Variants in THSD7A observed in about 807,000 individuals in gnomAD.
THSD7A encodes thrombospondin type-1 domain-containing protein 7A.
In THSD7A, 96 loss-of-function variants were observed where a neutral mutation model predicts 231.3. The observed-to-expected ratio is 0.41, with a 90% CI of 0.35 to 0.49. The LOEUF is 0.49. THSD7A is among the 20% of genes least tolerant of loss of function. The probability of loss-of-function intolerance (pLI) is 0.05; values close to 1 mark genes in which losing one functional copy is unlikely to be tolerated. For missense variants in THSD7A, 2,290 were observed against 2,070.2 expected (o/e 1.11, Z -2.06); for synonymous variants, 940 against 743.3 (o/e 1.26, Z -4.30).
At chr7:11,431,055 C>T (rs1179145535) in intron 13 of THSD7A, among the ~76,000 whole-genome samples, 1 of 152,162 alleles carries the variant, frequency 6.6e-6, no homozygotes, top group African/African-American at 2.4e-5. Context: ...TTAGCTTTTT[C>T]AGGAAGTGTC....
In THSD7A at chr7:11,558,453, G is replaced by A. The variant is rs143313734; in HGVS notation, c.1454-15336C>T. On this transcript the variant is annotated intron_variant, in intron 4 of 27. Transcript: ENST00000423059. ...ACTATAGTACCACAGTCCTAAATCT[G>A]GCCTCTCTCCTGGTGAACTACTAAT... Among the ~76,000 whole-genome samples, 671 of 152,096 alleles carry A rather than the reference G, an allele frequency of 4.4e-3. 3 individuals are homozygous for A. The highest frequency in any genetic ancestry group is 0.016 in the African/African-American group (646 of 41,488).
chr7:11,756,403 A>T (rs1782677665), intron 1 of THSD7A, among the ~76,000 whole-genome samples: 2 of 152,048 alleles, frequency 1.3e-5, no homozygotes, highest in Non-Finnish European at 2.9e-5. Flanking sequence ...GGAGAGAAAG[A>T]ATGTGGGAAA....
At chr7:11,405,937 T>C (rs986991088) in intron 22 of THSD7A, among the ~76,000 whole-genome samples, 6 of 152,230 alleles carry the variant, frequency 3.9e-5, no homozygotes, top group African/African-American at 1.2e-4. Flanking sequence ...TATTTAAACA[T>C]TGGCCTCTCT....
Position 11,487,376 on chromosome 7 carries a change from C to T in THSD7A, c.1823-5394G>A, listed in dbSNP as rs536106653. ...TATACTGAAAGTTTATTGCATTTATCGTGTTAGAGCCTAAATAAAACATAA... is the reference window on the plus strand; with the variant it reads ...TATACTGAAAGTTTATTGCATTTATTGTGTTAGAGCCTAAATAAAACATAA... On this transcript the variant is annotated intron_variant, in intron 6 of 27. Coordinates refer to ENST00000423059, the MANE Select transcript of THSD7A (RefSeq NM_015204.3). 3.3e-5 allele frequency among the ~76,000 whole-genome samples: 5 copies of T among 152,154 alleles called. No individual in the cohort carries two copies. The East Asian group carries it at 5.8e-4, about 18-fold the overall frequency.
rs527317052 is a variant in THSD7A at position 11,748,573 on chromosome 7, C to G, written c.190+83184G>C. On this transcript the variant is annotated intron_variant, in intron 1 of 27. Coordinates refer to ENST00000423059, the MANE Select transcript of THSD7A (RefSeq NM_015204.3). Reference sequence around the variant, plus strand: ...ATTCACCCTTCCCCTAAAATACCCTCAGAACAAAGTCAAGAGACATCATGA... The same window carrying G: ...ATTCACCCTTCCCCTAAAATACCCTGAGAACAAAGTCAAGAGACATCATGA... 3.8e-4 allele frequency among the ~76,000 whole-genome samples: 58 copies of G among 151,984 alleles called. 1 individual carries two copies. Among genetic ancestry groups the G allele is most frequent in the Non-Finnish European group, 6.9e-4 (47 of 67,930 alleles).
chr7:11,692,535 A>C (rs907882307), intron 1 of THSD7A, among the ~76,000 whole-genome samples: 4 of 151,608 alleles, frequency 2.6e-5, no homozygotes, highest in Non-Finnish European at 4.4e-5. Context: ...TGTACACAAC[A>C]AATTGTACAC....
chr7:11,547,450 GA>G (rs1483657946), intron 4 of THSD7A, among the ~76,000 whole-genome samples: 2 of 152,136 alleles, frequency 1.3e-5, no homozygotes, highest in Non-Finnish European at 2.9e-5. Flanking sequence ...AAAGGATGGA[GA>G]AAACTAACAG....
At chr7:11,516,268 A>G (rs762124927) in intron 6 of THSD7A, among the ~76,000 whole-genome samples, 1 of 152,212 alleles carries the variant, frequency 6.6e-6, no homozygotes, top group African/African-American at 2.4e-5. Flanking sequence ...TGCACTTACA[A>G]AATCAGAAAT....
chr7:11,546,201 C>CAA (rs1789382787), intron 4 of THSD7A, among the ~76,000 whole-genome samples: 2 of 59,066 alleles, frequency 3.4e-5, no homozygotes, highest in African/African-American at 1.5e-4. Flanking sequence ...TGTGGGCGCG[C>CAA]GCTCACACAC....
Position 11,493,491 on chromosome 7 carries a change from T to C in THSD7A, c.1823-11509A>G, listed in dbSNP as rs770211415. 2.6e-5 allele frequency among the ~76,000 whole-genome samples: 4 copies of C among 152,084 alleles called. 1 individual carries two copies. Among genetic ancestry groups the C allele is most frequent in the Non-Finnish European group, 5.9e-5 (4 of 67,982 alleles). ...CAGGGGAAGATATTAGGGTTATTCATTTTTAAAGGTCCCTAATGCTTCTGA... is the reference window on the plus strand; with the variant it reads ...CAGGGGAAGATATTAGGGTTATTCACTTTTAAAGGTCCCTAATGCTTCTGA... On this transcript the variant is annotated intron_variant, in intron 6 of 27. Coordinates refer to ENST00000423059, the MANE Select transcript of THSD7A (RefSeq NM_015204.3).
At chr7:11,522,242 A>G (rs1788297323) in intron 6 of THSD7A, among the ~76,000 whole-genome samples, 1 of 152,150 alleles carries the variant, frequency 6.6e-6, no homozygotes, top group African/African-American at 2.4e-5. Flanking sequence ...TAGAAGCCTA[A>G]GAGTCAGAGC....
intron 2 of THSD7A, among the ~76,000 whole-genome samples, chr7:11,616,071 A>C (rs1036676657): frequency 1.3e-5 from 2 of 152,060 alleles, no homozygotes; most frequent in African/African-American, 4.8e-5. Context: ...TTATTGAATA[A>C]TTTTTCCTTT....
intron 6 of THSD7A, among the ~76,000 whole-genome samples, chr7:11,526,978 G>C (rs573916862): frequency 6.6e-6 from 1 of 152,138 alleles, no homozygotes; most frequent in African/African-American, 2.4e-5. Context: ...TGAAATGAAA[G>C]AATGAATGAG....
chr7:11,428,896 G>A, intron 14 of THSD7A, 51 bp downstream of exon 14: 1 of 1,537,814 alleles, frequency 6.5e-7, no homozygotes. Context: ...GAAAAAATCA[G>A]ATCATTGTGA....
At chr7:11,487,694 AG>A (rs1222903095) in intron 6 of THSD7A, among the ~76,000 whole-genome samples, 3 of 152,124 alleles carry the variant, frequency 2.0e-5, no homozygotes, top group African/African-American at 7.2e-5. Context: ...ACATGGTGGC[AG>A]GCAAGAGAGC....
rs1790365483 is a variant in THSD7A, at chr7:11,566,969, G to GGTGGGGGGGGGTGC, written c.1453+23490_1453+23491insGCACCCCCCCCCAC. Among the ~76,000 whole-genome samples the GGTGGGGGGGGGTGC allele has an allele frequency of 2.4e-5, 2 of 84,148 alleles. 1 individual carries two copies. Among genetic ancestry groups the GGTGGGGGGGGGTGC allele is most frequent in the African/African-American group, 1.2e-4 (2 of 17,298 alleles). 55.2% of individuals were successfully genotyped at this position (84,148 alleles called of 152,430 possible). A position where few individuals can be genotyped will look rare whatever the true frequency, so the allele number is the denominator to read the frequency against. Reference sequence around the variant, plus strand: ...GTGGATCCAGCTGTGGGAGAGTGGGGGGGGGACTGACCAACAAAGTTTCCT... The same window carrying GGTGGGGGGGGGTGC: ...GTGGATCCAGCTGTGGGAGAGTGGGGGTGGGGGGGGGTGCGGGGGACTGACCAACAAAGTTTCCT... On this transcript the variant is annotated intron_variant, in intron 4 of 27. Coordinates refer to ENST00000423059, the MANE Select transcript of THSD7A (RefSeq NM_015204.3).
At chr7:11,546,835 T>A (rs987207771) in intron 4 of THSD7A, among the ~76,000 whole-genome samples, 2 of 152,060 alleles carry the variant, frequency 1.3e-5, no homozygotes, top group African/African-American at 4.8e-5. Context: ...AGTAAAAAGA[T>A]GAAATAGCTT....
intron 1 of THSD7A, among the ~76,000 whole-genome samples, chr7:11,778,156 CAAAAAA>C (rs57740181): frequency 1.8e-4 from 8 of 45,066 alleles, no homozygotes; most frequent in East Asian, 6.3e-4. Flanking sequence ...GACTCCGTCT[CAAAAAA>C]AAAAAAAAAA....
At chr7:11,522,866 C>T (rs1032901537) in intron 6 of THSD7A, among the ~76,000 whole-genome samples, 9 of 152,052 alleles carry the variant, frequency 5.9e-5, no homozygotes, top group Admixed American at 3.3e-4. Flanking sequence ...TCAACAGGTA[C>T]ATATGATATT....
Sources: gnomAD v4.1 joint callset for allele counts (sites outside exome capture counted in the v4.1 genomes callset) on GRCh38, gnomAD v4.1.1 for gene constraint, MANE v1.5 for transcripts, NCBI Gene and HGNC (gene_info 2026-07-23, HGNC 2026-07-21) for gene names.